Variants in ATG9A observed in about 807,000 individuals in gnomAD.
ATG9A encodes autophagy-related protein 9A.
Under a neutral mutation model 87.1 loss-of-function variants are expected in ATG9A, and 21 were observed. The ratio of observed to expected loss-of-function variants is 0.24; its 90% CI spans 0.17 to 0.35. ATG9A has a LOEUF of 0.35. ATG9A is among the 10% of genes least tolerant of loss of function. ATG9A has a pLI of 1.00. For missense variants in ATG9A, 836 were observed against 1,107.3 expected (o/e 0.76, Z 3.48); for synonymous variants, 422 against 441.3 (o/e 0.96, Z 0.55).
In ATG9A at chr2:219,220,288, A is replaced by C; in HGVS notation, c.*159T>G. 1.1e-6 allele frequency: 1 copy of C among 940,526 alleles called. No individual in the cohort carries two copies. The highest frequency in any genetic ancestry group is 1.6e-6 in the Non-Finnish European group (1 of 631,800). 58.3% of individuals were successfully genotyped at this position (940,526 alleles called of 1,614,324 possible). Reference sequence around the variant, plus strand: ...AAATTCCTCTCCTGGGGCTGTGGCAAGCCCAGTGTTGGCACCTCCCTTGGC... The same window carrying C: ...AAATTCCTCTCCTGGGGCTGTGGCACGCCCAGTGTTGGCACCTCCCTTGGC... On this transcript the variant is annotated 3_prime_UTR_variant, in exon 16 of 16. Coordinates refer to ENST00000361242, the MANE Select transcript of ATG9A (RefSeq NM_001077198.3).
chr2:219,223,977 C>T lies in ATG9A; in HGVS notation c.1311G>A (p.Leu437=). The T allele has an allele frequency of 6.2e-7, 1 of 1,613,824 alleles. No individual in the cohort carries two copies. Among genetic ancestry groups the T allele is most frequent in the Non-Finnish European group, 8.5e-7 (1 of 1,179,826 alleles). ...DQHMVFCPEQ[L]LRVILAHIHY... ...GGATGTGAGCGAGGATCACGCGGAG[C>T]AGCTGCTCAGGGCAGAACACCATGT... Residue 437 remains leucine, a synonymous_variant, in exon 9 of 16, where the codon CTG becomes CTA. Coordinates refer to ENST00000361242, the MANE Select transcript of ATG9A (RefSeq NM_001077198.3). This position sits in a 1 kb window ranked among gnomAD's most constrained non-coding sequence, Gnocchi z 4.7.
chr2:219,228,163 G>T, intron 2 of ATG9A, 110 bp from the exon 3 acceptor site: 1 of 700,052 alleles, frequency 1.4e-6, no homozygotes, highest in Non-Finnish European at 2.4e-6. Context: ...TCCACTACCA[G>T]CCTCCTTGGC....
intron 15 of ATG9A, 72 bp from the exon 16 acceptor site, chr2:219,220,524 C>T: frequency 1.3e-6 from 2 of 1,595,420 alleles, no homozygotes; most frequent in African/African-American, 1.3e-5. Context: ...CCCATAGAAA[C>T]CTAGAGGTAA....
In ATG9A at chr2:219,221,287, C is replaced by G. The variant is rs1428889507; in HGVS notation, c.2161G>C (p.Ala721Pro). The change falls in exon 14 of 16, where the codon GCC becomes CCC. Residue 721 changes from alanine to proline, a missense_variant. Around this residue, in one of 2 missense-constraint regions of ATG9A, gnomAD observed 324 missense variants for 347.6 expected, o/e 0.93. Coordinates refer to ENST00000361242, the MANE Select transcript of ATG9A (RefSeq NM_001077198.3). Reference sequence around the variant, plus strand: ...ACATGCCGCTCAGGTTCAGCCTGGGCCTGCTGCTTGTGGAGCTGGAGAAAT... The same window carrying G: ...ACATGCCGCTCAGGTTCAGCCTGGGGCTGCTGCTTGTGGAGCTGGAGAAAT... Reference protein sequence around the residue: ...LYMHQLHKQQAQAEPERHVWH... With the variant: ...LYMHQLHKQQPQAEPERHVWH... 6.4e-7 allele frequency: 1 copy of G among 1,562,274 alleles called. No individual in the cohort carries two copies. The highest frequency in any genetic ancestry group is 8.7e-7 in the Non-Finnish European group (1 of 1,155,616).
Position 219,221,305 on chromosome 2 carries a change from G to A in ATG9A, c.2146-3C>T, listed in dbSNP as rs1398589817. The A allele has an allele frequency of 6.4e-7, 1 of 1,552,840 alleles. No individual in the cohort carries two copies. On this transcript the variant is annotated splice_polypyrimidine_tract_variant and splice_region_variant and intron_variant, in intron 13 of 15. Coordinates refer to ENST00000361242, the MANE Select transcript of ATG9A (RefSeq NM_001077198.3). Reference sequence around the variant, plus strand: ...GCCTGGGCCTGCTGCTTGTGGAGCTGGAGAAATGGGGGGCTCGTTAGTGGG... The same window carrying A: ...GCCTGGGCCTGCTGCTTGTGGAGCTAGAGAAATGGGGGGCTCGTTAGTGGG...
Position 219,228,007 on chromosome 2 carries a change from A to T in ATG9A, c.18T>A (p.Thr6=), listed in dbSNP as rs373096026. 106 of 1,613,890 alleles carry T rather than the reference A, an allele frequency of 6.6e-5. No homozygotes were observed. In the South Asian group the frequency reaches 1.0e-3, roughly 16 times the overall value. Residue 6 remains threonine (T), a synonymous_variant, in exon 3 of 16, where the codon ACT becomes ACA. Transcript: ENST00000361242. ...AGGAGGCCTCTAGGCGCTGGTATTC[A>T]GTGTCAAACTGCGCCATCACCACCG... MAQFD[T]EYQRLEASYS...
chr2:219,223,897 T>C lies in ATG9A; in HGVS notation c.1391A>G (p.Glu464Gly). The part of the protein sequence containing the change: ...GNAHRSQTRD[E>G]FAQLFQYKAV... ...CTTGTACTGGAAGAGCTGGGCAAAC[T>C]CGTCCCGGGTCTGCGAGCGGTGGGC... Residue 464 changes from glutamate to glycine, a missense_variant, in exon 9 of 16, where the codon GAG (glutamate) becomes GGG (glycine). By Grantham distance (98) the Glu-to-Gly change is moderately conservative (BLOSUM62 -2). Around this residue, in one of 2 missense-constraint regions of ATG9A, gnomAD observed 512 missense variants for 759.6 expected, o/e 0.67. Coordinates refer to ENST00000361242, the MANE Select transcript of ATG9A (RefSeq NM_001077198.3). The surrounding 1 kb of genome is among the most constrained non-coding windows in gnomAD (Gnocchi z 4.7). 1 of 1,614,086 alleles carries C rather than the reference T, an allele frequency of 6.2e-7. No homozygotes were observed. Among genetic ancestry groups the C allele is most frequent in the Non-Finnish European group, 8.5e-7 (1 of 1,180,022 alleles).
At position 219,220,846 on chromosome 2, in the gene ATG9A, A is replaced by C; in HGVS notation, c.2415T>G (p.Pro805=). The part of the protein sequence containing the change: ...PRVPSHFSRL[P]LGGWAEDGQS... ...GCCCATCTTCTGCCCACCCTCCAAGAGGCAGCCGAGAGAAATGAGAGGGAA... is the reference window on the plus strand; with the variant it reads ...GCCCATCTTCTGCCCACCCTCCAAGCGGCAGCCGAGAGAAATGAGAGGGAA... The change falls in exon 15 of 16, where the codon CCT becomes CCG. Residue 805 remains proline, a synonymous_variant. Coordinates refer to ENST00000361242, the MANE Select transcript of ATG9A (RefSeq NM_001077198.3). 1 of 1,613,322 alleles carries C rather than the reference A, an allele frequency of 6.2e-7. No individual in the cohort carries two copies. Among genetic ancestry groups the C allele is most frequent in the Non-Finnish European group, 8.5e-7 (1 of 1,179,954 alleles).
intron 4 of ATG9A, among the ~76,000 whole-genome samples, chr2:219,227,246 G>T (rs532453438): frequency 3.3e-4 from 50 of 152,282 alleles, no homozygotes; most frequent in African/African-American, 1.2e-3. Context: ...GGCTGGGTGT[G>T]GTGGCTCACG....
At chr2:219,226,700 G>A (rs968736078) in intron 5 of ATG9A, among the ~76,000 whole-genome samples, 169 bp downstream of exon 5, 2 of 152,064 alleles carry the variant, frequency 1.3e-5, no homozygotes, top group Admixed American at 1.3e-4. Context: ...AAAAAAGAAA[G>A]GTGAAGCTGT....
At chr2:219,226,618 G>T (rs1950866375) in intron 5 of ATG9A, among the ~76,000 whole-genome samples, 1 of 152,090 alleles carries the variant, frequency 6.6e-6, no homozygotes, top group African/African-American at 2.4e-5. Flanking sequence ...AACCTGGGAG[G>T]CAGAGGTTGC....
rs981494953 is a variant in ATG9A, at chr2:219,219,502, G to C, written c.*945C>G. On this transcript the variant is annotated 3_prime_UTR_variant, in exon 16 of 16. Transcript: ENST00000361242. Reference sequence around the variant, plus strand: ...AAAGCCGGACCACAGCTGGGTGAGGGGTGGGACAGAGAGTAGGAGCAGTCC... The same window carrying C: ...AAAGCCGGACCACAGCTGGGTGAGGCGTGGGACAGAGAGTAGGAGCAGTCC... 6.5e-6 allele frequency: 1 copy of C among 152,758 alleles called. No individual in the cohort carries two copies. The highest frequency in any genetic ancestry group is 1.5e-5 in the Non-Finnish European group (1 of 68,156). The allele number at this position is 152,758 out of a possible 1,614,324, so 9.5% of individuals were successfully genotyped here.
In ATG9A at chr2:219,226,921, G is replaced by A. The variant is rs1247269009; in HGVS notation, c.160C>T (p.His54Tyr). ...ATACATGTGAAGCCATTCTTCTGGT[G>A]CAGATTATAAACGTGTAATTGTTAA... ...DLFFSRVYNLHQKNGFTCMLI... is the reference protein window; with the variant it reads ...DLFFSRVYNLYQKNGFTCMLI... Residue 54 changes from histidine to tyrosine, a missense_variant, in exon 5 of 16, where the codon CAC becomes TAC. His to Tyr is a moderately conservative substitution (Grantham distance 83, BLOSUM62 2). This residue lies in a region of ATG9A where 512 missense variants were observed against 759.6 expected (regional missense o/e 0.67). Coordinates refer to ENST00000361242, the MANE Select transcript of ATG9A (RefSeq NM_001077198.3). 1 of 1,613,466 alleles carries A rather than the reference G, an allele frequency of 6.2e-7. No individual in the cohort carries two copies. The highest frequency in any genetic ancestry group is 8.5e-7 in the Non-Finnish European group (1 of 1,179,460).
chr2:219,221,933 A>T lies in ATG9A; in HGVS notation c.2145+117T>A, dbSNP rs1950768795. The T allele has an allele frequency of 3.5e-6, 3 of 858,732 alleles. No individual in the cohort carries two copies. In the South Asian group the frequency reaches 5.1e-5, roughly 15 times the overall value. 53.2% of individuals were successfully genotyped at this position (858,732 alleles called of 1,614,324 possible). On this transcript the variant is annotated intron_variant, in intron 13 of 15. Coordinates refer to ENST00000361242, the MANE Select transcript of ATG9A (RefSeq NM_001077198.3). ...AGGCTTAGCTAAAAAGGATATTAAG[A>T]AGGTAGATATGGGAGTGGAGGTGGC...
At chr2:219,220,586 C>T in intron 15 of ATG9A, 134 bp from the exon 16 acceptor site, 1 of 1,501,930 alleles carries the variant, frequency 6.7e-7, no homozygotes, top group Non-Finnish European at 9.2e-7. Flanking sequence ...AAAACCAAGC[C>T]CTGCAGAGCA....
In ATG9A at chr2:219,225,706, C is replaced by G. The variant is rs1049314465; in HGVS notation, c.213-134G>C. 2.4e-5 allele frequency: 22 copies of G among 917,408 alleles called. No homozygotes were observed. In the African/African-American group the frequency reaches 3.2e-4, roughly 13 times the overall value. The allele number at this position is 917,408 out of a possible 1,614,324, so 56.8% of individuals were successfully genotyped here. A position where few individuals can be genotyped will look rare whatever the true frequency, so the allele number is the denominator to read the frequency against. ...GGGCCTGGAGAACTCCCAGTGGGCCCTCTCTGCTCCTCAGCCCCACAGGAC... is the reference window on the plus strand; with the variant it reads ...GGGCCTGGAGAACTCCCAGTGGGCCGTCTCTGCTCCTCAGCCCCACAGGAC... On this transcript the variant is annotated intron_variant, in intron 5 of 15. Coordinates refer to ENST00000361242, the MANE Select transcript of ATG9A (RefSeq NM_001077198.3).
chr2:219,220,630 G>A (rs1950733346), intron 15 of ATG9A, 117 bp downstream of exon 15: 24 of 1,498,108 alleles, frequency 1.6e-5, no homozygotes, highest in South Asian at 2.4e-5. Flanking sequence ...GTTTTGGAAG[G>A]GAGGGTACAG....
At position 219,220,432 on chromosome 2, in the gene ATG9A, C is replaced by T; in HGVS notation, c.*15G>A. On this transcript the variant is annotated 3_prime_UTR_variant, in exon 16 of 16. Transcript: ENST00000361242. ...GGCCTCCATCCTGGGCCACAGGAAC[C>T]CTGCTCAGCCTTGTCTATACCTGTG... 3.7e-6 allele frequency: 6 copies of T among 1,613,638 alleles called. No individual in the cohort carries two copies. The highest frequency in any genetic ancestry group is 5.1e-6 in the Non-Finnish European group (6 of 1,179,642).
At chr2:219,220,496 T>C (rs745992887) in intron 15 of ATG9A, 44 bp from the exon 16 acceptor site, 46 of 1,611,476 alleles carry the variant, frequency 2.9e-5, no homozygotes, top group Non-Finnish European at 3.7e-5. Flanking sequence ...CTTCAGCTTC[T>C]GGTTGATACC....
Sources: allele counts gnomAD v4.1 joint callset (sites outside exome capture counted in the v4.1 genomes callset), GRCh38; gene constraint gnomAD v4.1.1; regional missense constraint gnomAD v4.1.1; non-coding constraint Gnocchi (gnomAD v3.1); transcripts MANE v1.5; gene names NCBI Gene and HGNC (gene_info 2026-07-23, HGNC 2026-07-21).